Variants in NUF2 observed in about 807,000 individuals in gnomAD.
The protein encoded by NUF2 is NUF2 component of NDC80 kinetochore complex, also known as kinetochore protein Nuf2.
NUF2 carries 34 observed loss-of-function variants against 61.8 expected under a neutral mutation model. The observed-to-expected ratio is 0.55, with a 90% CI of 0.42 to 0.73. The LOEUF (loss-of-function observed/expected upper bound fraction) is 0.73. Among genes scored for constraint, NUF2 ranks in the 30% least tolerant of loss-of-function variants. The pLI, the probability that NUF2 is intolerant of heterozygous loss-of-function variation, is 0.00. For missense variants in NUF2, 445 were observed against 539.1 expected, an observed-to-expected ratio of 0.83 and a Z score of 1.73; for synonymous variants, 172 against 181.6, an observed-to-expected ratio of 0.95 and a Z score of 0.42.
chr1:163,335,039 C>T (rs984673393), intron 5 of NUF2, among the ~76,000 whole-genome samples: 19 of 152,130 alleles, frequency 1.2e-4, no homozygotes, highest in African/African-American at 2.9e-4. Flanking sequence ...CTGCAACCTC[C>T]GCCTCCCAGG....
chr1:163,339,119 G>A (rs549990270), intron 7 of NUF2, among the ~76,000 whole-genome samples: 1 of 152,124 alleles, frequency 6.6e-6, no homozygotes, highest in African/African-American at 2.4e-5. Context: ...CATGTTATTA[G>A]GAGTGAAGTT....
intron 13 of NUF2, among the ~76,000 whole-genome samples, chr1:163,354,859 G>C (rs139808468): frequency 1.9e-4 from 29 of 151,626 alleles, no homozygotes; most frequent in African/African-American, 6.3e-4. Context: ...ATCCATATAG[G>C]CTTGAACTAT....
chr1:163,340,465 A>T, intron 9 of NUF2, 39 bp downstream of exon 9: 1 of 1,478,734 alleles, frequency 6.8e-7, no homozygotes, highest in East Asian at 2.3e-5. Context: ...TAAAGTTTGA[A>T]TATATTGTGT....
chr1:163,327,414 T>C, intron 2 of NUF2, 74 bp from the exon 3 acceptor site: 1 of 766,104 alleles, frequency 1.3e-6, no homozygotes, highest in South Asian at 1.6e-5. Context: ...GATTATAATA[T>C]TGTATGGTAA....
intron 4 of NUF2, 170 bp downstream of exon 4, chr1:163,328,474 A>C (rs539919873): frequency 1.9e-6 from 1 of 515,076 alleles, no homozygotes; most frequent in South Asian, 3.4e-5. Context: ...ATCAAACAGA[A>C]CTGCCTCCAA....
At chr1:163,327,629 G>T in intron 3 of NUF2, 67 bp downstream of exon 3, 1 of 1,015,736 alleles carries the variant, frequency 9.8e-7, no homozygotes, top group Non-Finnish European at 1.6e-6. Context: ...TTTTGCTGCA[G>T]TTCTGCTTAC....
At chr1:163,323,195 G>A (rs1650296536) in intron 1 of NUF2, 1 of 152,136 alleles carries the variant, frequency 6.6e-6, no homozygotes, top group Non-Finnish European at 1.5e-5. Context: ...AGAGAAGAGA[G>A]GAACAAGTGA....
At chr1:163,340,668 T>G (rs1650914131) in intron 9 of NUF2, among the ~76,000 whole-genome samples, 1 of 152,196 alleles carries the variant, frequency 6.6e-6, no homozygotes, top group Non-Finnish European at 1.5e-5. Context: ...TATCAAAGAT[T>G]GTATTTGCTA....
At chr1:163,348,664 A>G (rs1444104745) in intron 12 of NUF2, among the ~76,000 whole-genome samples, 1 of 152,138 alleles carries the variant, frequency 6.6e-6, no homozygotes, top group Non-Finnish European at 1.5e-5. Context: ...AAAAATCTTC[A>G]TTTTAAATAT....
chr1:163,337,470 G>T (rs570613564), intron 6 of NUF2, among the ~76,000 whole-genome samples: 1 of 152,196 alleles, frequency 6.6e-6, no homozygotes, highest in East Asian at 1.9e-4. Context: ...GCTTTACTGA[G>T]CTATATAGAT....
chr1:163,344,792 C>T (rs1206903986), intron 10 of NUF2, among the ~76,000 whole-genome samples: 1 of 151,542 alleles, frequency 6.6e-6, no homozygotes, highest in Non-Finnish European at 1.5e-5. Context: ...ATCACCAGAA[C>T]AGAAATGAGA....
At chr1:163,351,748 T>G (rs1322410390) in intron 13 of NUF2, among the ~76,000 whole-genome samples, 1 of 152,224 alleles carries the variant, frequency 6.6e-6, no homozygotes, top group Non-Finnish European at 1.5e-5. Context: ...AATCAAATAC[T>G]TTTTGTCAAA....
chr1:163,342,373 G>A (rs915886719), intron 9 of NUF2, among the ~76,000 whole-genome samples: 6 of 152,044 alleles, frequency 3.9e-5, no homozygotes, highest in African/African-American at 9.7e-5. Flanking sequence ...TTTATAAAGA[G>A]GAGAAAAGTG....
In NUF2 at chr1:163,328,313, A is replaced by G. The variant is rs751163174; in HGVS notation, c.275+9A>G. 2.0e-6 allele frequency: 3 copies of G among 1,531,406 alleles called. No homozygotes were observed. Among genetic ancestry groups the G allele is most frequent in the Non-Finnish European group, 2.7e-6 (3 of 1,110,044 alleles). 94.9% of individuals were successfully genotyped at this position (1,531,406 alleles called of 1,614,324 possible). A position where few individuals can be genotyped will look rare whatever the true frequency, so the allele number is the denominator to read the frequency against. On this transcript the variant is annotated intron_variant, in intron 4 of 13. Transcript: ENST00000271452. ...AATTTAGTTACTCATCTGTGAGTAA[A>G]GAGTGATTTTATTGTCTTCGTCTAC...
At chr1:163,342,005 T>G (rs915964036) in intron 9 of NUF2, among the ~76,000 whole-genome samples, 2 of 152,224 alleles carry the variant, frequency 1.3e-5, no homozygotes, top group African/African-American at 4.8e-5. Flanking sequence ...AATTTATATA[T>G]TTTTTGCCCA....
intron 5 of NUF2, 71 bp downstream of exon 5, chr1:163,328,978 TAAAAAAA>T: frequency 4.2e-6 from 2 of 474,432 alleles, no homozygotes; most frequent in Non-Finnish European, 6.9e-6. Context: ...TCAGTAAATG[TAAAAAAA>T]AAAAAAAAGG....
At chr1:163,355,274 C>A in intron 13 of NUF2, 61 bp from the exon 14 acceptor site, 2 of 1,280,656 alleles carry the variant, frequency 1.6e-6, no homozygotes, top group South Asian at 1.6e-5. Flanking sequence ...ATTCTTATAA[C>A]TCATTTGTAG....
chr1:163,335,799 A>T (rs554748640), intron 5 of NUF2, among the ~76,000 whole-genome samples: 1 of 151,776 alleles, frequency 6.6e-6, no homozygotes, highest in South Asian at 2.1e-4. Context: ...TTCTCTCTGG[A>T]CTTTATTTTA....
intron 5 of NUF2, among the ~76,000 whole-genome samples, chr1:163,333,169 G>A (rs1357481665): frequency 6.6e-6 from 1 of 152,084 alleles, no homozygotes; most frequent in Non-Finnish European, 1.5e-5. Flanking sequence ...TACACATTTA[G>A]AATTGCTATA....
Sources: gnomAD v4.1 joint callset for allele counts (sites outside exome capture counted in the v4.1 genomes callset) on GRCh38, gnomAD v4.1.1 for gene constraint, MANE v1.5 for transcripts, NCBI Gene and HGNC (gene_info 2026-07-23, HGNC 2026-07-21) for gene names.